Variants in IL7 observed in about 807,000 individuals in gnomAD.
IL7 encodes the protein interleukin 7, also known as interleukin-7.
A neutral mutation model predicts 21.6 loss-of-function variants in IL7; 3 were observed. That is an observed-to-expected ratio of 0.14 (90% CI 0.06 to 0.36). The LOEUF (loss-of-function observed/expected upper bound fraction) is 0.36, where lower values mean the gene tolerates loss of function less well. Among genes scored for constraint, IL7 ranks in the 10% least tolerant of loss-of-function variants. The pLI is 1.00. For missense variants in IL7, 175 were observed against 200.2 expected, an observed-to-expected ratio of 0.87 and a Z score of 0.76; for synonymous variants, 62 against 68.1, an observed-to-expected ratio of 0.91 and a Z score of 0.44.
intron 3 of IL7, among the ~76,000 whole-genome samples, chr8:78,694,618 A>G (rs1026104509): frequency 1.3e-5 from 2 of 152,144 alleles, no homozygotes; most frequent in African/African-American, 2.4e-5. Flanking sequence ...TGCTTTTACA[A>G]TGATTTTTTA....
intron 4 of IL7, among the ~76,000 whole-genome samples, chr8:78,684,200 C>T (rs767842441): frequency 4.6e-5 from 7 of 152,162 alleles, no homozygotes; most frequent in Non-Finnish European, 8.8e-5. Flanking sequence ...CTGTATTAGT[C>T]CATTTTCATA....
downstream of IL7, among the ~76,000 whole-genome samples, chr8:78,675,305 T>C (rs142455669): frequency 5.7e-3 from 874 of 152,076 alleles, 7 homozygotes; most frequent in African/African-American, 0.02. Context: ...CTTAATCTTA[T>C]AGCATTGTAC....
At chr8:78,762,309 T>C in intron 2 of IL7, 1 of 1,600,766 alleles carries the variant, frequency 6.2e-7, no homozygotes, top group Non-Finnish European at 8.6e-7. Flanking sequence ...AAGTCTGCTC[T>C]CCTACAGTTC....
chr8:78,728,316 G>C (rs1052222736), downstream of IL7, among the ~76,000 whole-genome samples: 4 of 151,824 alleles, frequency 2.6e-5, no homozygotes, highest in African/African-American at 4.8e-5. Context: ...AACTAGAATA[G>C]CCAAAACAAC....
intron 3 of IL7, among the ~76,000 whole-genome samples, chr8:78,708,683 CTTTTTTTTTT>C (rs1192881506): frequency 8.3e-6 from 1 of 121,040 alleles, no homozygotes; most frequent in Non-Finnish European, 1.8e-5. Flanking sequence ...TTTTTTTTTT[CTTTTTTTTTT>C]TTTTGAGATG....
chr8:78,753,722 C>T (rs554055144), intron 2 of IL7, among the ~76,000 whole-genome samples: 1 of 152,238 alleles, frequency 6.6e-6, no homozygotes, highest in African/African-American at 2.4e-5. Context: ...ATGTTTAAGT[C>T]TTTAATCCAT....
chr8:78,785,449 C>A lies in IL7; in HGVS notation c.147+12623G>T, dbSNP rs903906786. 3.3e-5 allele frequency among the ~76,000 whole-genome samples: 5 copies of A among 152,168 alleles called. No individual in the cohort carries two copies. The East Asian group carries it at 7.7e-4, about 24-fold the overall frequency. ...TTTTTGTTCATTCTTCTTGTTGTTG[C>A]TAACACTTTTGTCACATCTAAAATG... On this transcript the variant is annotated intron_variant, in intron 2 of 5. Coordinates refer to ENST00000263851, the MANE Select transcript of IL7 (RefSeq NM_000880.4).
chr8:78,687,901 ATATT>A (rs1810072150), intron 3 of IL7, among the ~76,000 whole-genome samples: 1 of 58,596 alleles, frequency 1.7e-5, no homozygotes, highest in Non-Finnish European at 4.3e-5. Context: ...TAAATTATAT[ATATT>A]TATATAAATA....
intron 2 of IL7, among the ~76,000 whole-genome samples, chr8:78,772,720 C>A (rs1402875802): frequency 6.6e-6 from 1 of 152,182 alleles, no homozygotes; most frequent in African/African-American, 2.4e-5. Context: ...AGACCCCAAA[C>A]ATTTCTAATA....
At chr8:78,697,547 C>G in intron 3 of IL7, 1 of 1,492,900 alleles carries the variant, frequency 6.7e-7, no homozygotes, top group Non-Finnish European at 9.3e-7. Flanking sequence ...TTTTTGAAAC[C>G]ATGTTGGCAG....
intron 3 of IL7, among the ~76,000 whole-genome samples, chr8:78,722,828 A>C (rs1191809856): frequency 6.6e-6 from 1 of 151,920 alleles, no homozygotes; most frequent in East Asian, 1.9e-4. Flanking sequence ...ATAATAGAAA[A>C]ACAATCACAT....
intron 3 of IL7, among the ~76,000 whole-genome samples, chr8:78,707,997 TG>T (rs1810830871): frequency 6.6e-6 from 1 of 152,170 alleles, no homozygotes; most frequent in Non-Finnish European, 1.5e-5. Flanking sequence ...AAAAAATTTT[TG>T]GTTAAGTGAA....
Position 78,700,524 on chromosome 8 carries a change from T to A in IL7, n.215-14577A>T, listed in dbSNP as rs1586015971. 3.3e-5 allele frequency among the ~76,000 whole-genome samples: 5 copies of A among 152,348 alleles called. 1 individual carries two copies. In the South Asian group the frequency reaches 1.0e-3, roughly 32 times the overall value. Reference sequence around the variant, plus strand: ...CTTTAGTTTAATTACAGCCCATTTGTCAATTTGTGTTTTTGTTGCAATTGC... The same window carrying A: ...CTTTAGTTTAATTACAGCCCATTTGACAATTTGTGTTTTTGTTGCAATTGC... On this transcript the variant is annotated intron_variant and non_coding_transcript_variant, in intron 3 of 4. Transcript: ENST00000523959.
intron 2 of IL7, among the ~76,000 whole-genome samples, chr8:78,779,222 C>G (rs567216045): frequency 6.6e-6 from 1 of 152,208 alleles, no homozygotes; most frequent in South Asian, 2.1e-4. Context: ...ATTTGCCTAC[C>G]TTTATTTGTT....
intron 4 of IL7, among the ~76,000 whole-genome samples, chr8:78,684,043 T>G (rs1184794279): frequency 6.6e-6 from 1 of 152,146 alleles, no homozygotes; most frequent in Non-Finnish European, 1.5e-5. Flanking sequence ...TTCAACAAGT[T>G]TCTAGGAAGT....
rs367614570 is a variant in IL7, at chr8:78,750,032, C to CA, written c.148-9951dup. Among the ~76,000 whole-genome samples, 241 of 147,568 alleles carry CA rather than the reference C, an allele frequency of 1.6e-3. 2 individuals are homozygous for CA. Among genetic ancestry groups the CA allele is most frequent in the Middle Eastern group, 7.1e-3 (2 of 282 alleles). On this transcript the variant is annotated intron_variant, in intron 2 of 5. Coordinates refer to ENST00000263851, the MANE Select transcript of IL7 (RefSeq NM_000880.4). ...CCTGGGTGACAGTAAGACCCTGTCT[C>CA]AAAAAAAAAATACTAATTTCTAAAA...
At chr8:78,767,955 G>A (rs1408559549) in intron 2 of IL7, among the ~76,000 whole-genome samples, 2 of 151,578 alleles carry the variant, frequency 1.3e-5, no homozygotes, top group East Asian at 1.9e-4. Context: ...AGAGTGTGAT[G>A]TTCCCCTTCC....
At chr8:78,684,706 C>T (rs751125141) in intron 4 of IL7, among the ~76,000 whole-genome samples, 1 of 152,136 alleles carries the variant, frequency 6.6e-6, no homozygotes, top group Non-Finnish European at 1.5e-5. Context: ...GCTTCATATA[C>T]TCAGCAAACA....
At chr8:78,774,097 A>G (rs1813053442) in intron 2 of IL7, among the ~76,000 whole-genome samples, 1 of 152,140 alleles carries the variant, frequency 6.6e-6, no homozygotes, top group Non-Finnish European at 1.5e-5. Context: ...AAAAAAACAT[A>G]TATTTGTGAG....
Sources: allele counts gnomAD v4.1 joint callset (sites outside exome capture counted in the v4.1 genomes callset), GRCh38; gene constraint gnomAD v4.1.1; transcripts MANE v1.5; gene names NCBI Gene and HGNC (gene_info 2026-07-23, HGNC 2026-07-21).